Variants in TPM3 observed in about 807,000 individuals in gnomAD.
TPM3 encodes the protein tropomyosin alpha-3 chain.
TPM3 carries 16 observed loss-of-function variants against 43.1 expected under a neutral mutation model. That is an observed-to-expected ratio of 0.37 (90% CI 0.25 to 0.56). The LOEUF (loss-of-function observed/expected upper bound fraction) is 0.56, where lower values mean the gene tolerates loss of function less well. Ranked by LOEUF, TPM3 falls within the 20% of genes least tolerant of loss-of-function variation. The pLI, the probability that TPM3 is intolerant of heterozygous loss-of-function variation, is 0.77. For synonymous variants in TPM3, 101 were observed against 116.9 expected (o/e 0.86, Z 0.88); for missense variants, 176 against 337.2 (o/e 0.52, Z 3.74).
intron 2 of TPM3, chr1:154,182,952 C>A: frequency 6.2e-7 from 1 of 1,609,632 alleles, no homozygotes; most frequent in Non-Finnish European, 8.5e-7. Context: ...TACTCCAGCG[C>A]CTGCCCCTCC....
intron 2 of TPM3, among the ~76,000 whole-genome samples, chr1:154,187,775 C>A (rs529386530): frequency 6.6e-6 from 1 of 151,662 alleles, no homozygotes; most frequent in East Asian, 1.9e-4. Context: ...TCCTCAAGCC[C>A]ACATACTAGC....
downstream of TPM3, among the ~76,000 whole-genome samples, chr1:154,160,460 TATGTGTA>T (rs891036451): frequency 2.1e-4 from 32 of 152,134 alleles, no homozygotes; most frequent in African/African-American, 6.8e-4. Flanking sequence ...AGAAAGCATA[TATGTGTA>T]AAAAGCCTGG....
intron 2 of TPM3, among the ~76,000 whole-genome samples, chr1:154,181,173 G>A (rs2148275788): frequency 6.6e-6 from 1 of 152,034 alleles, no homozygotes; most frequent in East Asian, 1.9e-4. Context: ...ACTGAACAGA[G>A]GAAAAAAATC....
intron 9 of TPM3, among the ~76,000 whole-genome samples, chr1:154,168,289 AT>A (rs1661202635): frequency 6.6e-6 from 1 of 152,152 alleles, no homozygotes; most frequent in Non-Finnish European, 1.5e-5. Flanking sequence ...CAGGGAACCA[AT>A]TAAACACACC....
chr1:154,156,855 A>G, downstream of TPM3: 1 of 194,568 alleles, frequency 5.1e-6, no homozygotes, highest in East Asian at 8.1e-5. Context: ...CTTTCTTTCA[A>G]GGAGGCAGGA....
downstream of TPM3, among the ~76,000 whole-genome samples, chr1:154,157,951 A>T (rs1260470012): frequency 1.3e-5 from 2 of 152,142 alleles, no homozygotes. Context: ...GGCCCTTATC[A>T]GCCATTTCCT....
intron 5 of TPM3, 184 bp downstream of exon 5, chr1:154,172,724 A>G: frequency 1.4e-6 from 1 of 731,974 alleles, no homozygotes; most frequent in Non-Finnish European, 2.4e-6. Flanking sequence ...GTCACTTGTC[A>G]CTAGTCAGGA....
intron 2 of TPM3, among the ~76,000 whole-genome samples, chr1:154,179,741 G>A (rs1662739733): frequency 6.6e-6 from 1 of 152,030 alleles, no homozygotes; most frequent in African/African-American, 2.4e-5. Flanking sequence ...GCGCCACCAT[G>A]CCCAGCTAAT....
downstream of TPM3, chr1:154,158,717 G>C (rs888775948): frequency 1.2e-5 from 6 of 486,648 alleles, no homozygotes; most frequent in Non-Finnish European, 2.3e-5. Context: ...CAAAATTCTC[G>C]CAAGTTTTCT....
intron 3 of TPM3, among the ~76,000 whole-genome samples, chr1:154,173,572 G>A (rs1661853615): frequency 6.6e-6 from 1 of 151,628 alleles, no homozygotes; most frequent in Non-Finnish European, 1.5e-5. Flanking sequence ...GCTCAGGCAG[G>A]AGAATCACTT....
At position 154,163,592 on chromosome 1, in the gene TPM3, A is replaced by G. The variant is rs1660615900; in HGVS notation, c.*4345T>C. Among the ~76,000 whole-genome samples the G allele has an allele frequency of 6.6e-6, 1 of 151,946 alleles. No individual in the cohort carries two copies. The highest frequency in any genetic ancestry group is 6.6e-5 in the Admixed American group (1 of 15,232). On this transcript the variant is annotated 3_prime_UTR_variant, in exon 10 of 10. Coordinates refer to ENST00000651641, the MANE Select transcript of TPM3 (RefSeq NM_152263.4). ...TACTCAACCGTCTTCTTTCCCTCCA[A>G]TCAGTTCCATTTGGTTCCTCCTCTT...
chr1:154,167,239 C>A lies in TPM3; in HGVS notation c.*698G>T, dbSNP rs546668401. On this transcript the variant is annotated 3_prime_UTR_variant, in exon 10 of 10. Coordinates refer to ENST00000651641, the MANE Select transcript of TPM3 (RefSeq NM_152263.4). ...GTTTAAAGAAGAAAAAGTAAAAAAA[C>A]CGTCCAGAATTCTATCCATTGTGTA... 7.4e-6 allele frequency: 7 copies of A among 940,030 alleles called. No homozygotes were observed. In the African/African-American group the frequency reaches 1.1e-4, roughly 14 times the overall value. The allele number at this position is 940,030 out of a possible 1,614,324, so 58.2% of individuals were successfully genotyped here.
At chr1:154,190,480 T>C (rs1663632311) in intron 2 of TPM3, among the ~76,000 whole-genome samples, 1 of 152,164 alleles carries the variant, frequency 6.6e-6, no homozygotes, top group Admixed American at 6.5e-5. Flanking sequence ...AGAGAATTTA[T>C]TTTATTTGAG....
chr1:154,176,162 G>A lies in TPM3; in HGVS notation c.330C>T (p.Ala110=), dbSNP rs1324773090. The part of the protein sequence containing the change: ...LDRAQERLAT[A]LQKLEEAEKA... ...TTTCAGCTTCTTCCAGCTTTTGCAG[G>A]GCAGTGGCCAGGCGCTCCTGAGCAC... Residue 110 remains alanine (A), a synonymous_variant, in exon 3 of 10, where the codon GCC becomes GCT. Transcript: ENST00000651641. The A allele has an allele frequency of 3.1e-6, 5 of 1,614,122 alleles. No homozygotes were observed. The highest frequency in any genetic ancestry group is 4.2e-6 in the Non-Finnish European group (5 of 1,180,036).
In TPM3 at chr1:154,191,896, G is replaced by T. The variant is rs2148295314; in HGVS notation, c.117+6C>A. ...GCAGATGAGAGAGATCAATGCCAGTGCCTACCTGTTTACTTCTTTCTTCTG... is the reference window on the plus strand; with the variant it reads ...GCAGATGAGAGAGATCAATGCCAGTTCCTACCTGTTTACTTCTTTCTTCTG... On this transcript the variant is annotated splice_donor_region_variant and intron_variant, in intron 1 of 9. Coordinates refer to ENST00000651641, the MANE Select transcript of TPM3 (RefSeq NM_152263.4). 1 of 1,612,364 alleles carries T rather than the reference G, an allele frequency of 6.2e-7. No homozygotes were observed. Among genetic ancestry groups the T allele is most frequent in the Non-Finnish European group, 8.5e-7 (1 of 1,179,112 alleles).
In TPM3 at chr1:154,165,940, G is replaced by A. The variant is rs962198882; in HGVS notation, c.*1997C>T. The stretch of plus-strand genomic sequence containing the variant: ...AATTCCCATAACACTATTATTTGTG[G>A]CATTCATCACACAGTATCTGTAGCT... On this transcript the variant is annotated 3_prime_UTR_variant, in exon 10 of 10. Transcript: ENST00000651641. Among the ~76,000 whole-genome samples the A allele has an allele frequency of 6.6e-6, 1 of 152,078 alleles. No individual in the cohort carries two copies. The highest frequency in any genetic ancestry group is 1.5e-5 in the Non-Finnish European group (1 of 68,032).
intron 5 of TPM3, 78 bp from the exon 6 acceptor site, chr1:154,171,566 G>A (rs954037525): frequency 1.3e-5 from 19 of 1,485,862 alleles, no homozygotes; most frequent in Admixed American, 5.1e-5. Context: ...ACACATAGAC[G>A]TGAATTGAAC....
chr1:154,184,120 C>T (rs187262100), intron 2 of TPM3, among the ~76,000 whole-genome samples: 4 of 152,114 alleles, frequency 2.6e-5, no homozygotes, highest in East Asian at 3.9e-4. Context: ...GAACTCGGCT[C>T]ACTGTAAGCT....
At chr1:154,160,521 A>G (rs905413862), downstream of TPM3, among the ~76,000 whole-genome samples, 5 of 152,232 alleles carry the variant, frequency 3.3e-5, no homozygotes, top group Non-Finnish European at 5.9e-5. Context: ...CAGTAGAATC[A>G]GGGTGAACCT....
Sources: allele counts gnomAD v4.1 joint callset (sites outside exome capture counted in the v4.1 genomes callset), GRCh38; gene constraint gnomAD v4.1.1; transcripts MANE v1.5; gene names NCBI Gene and HGNC (gene_info 2026-07-23, HGNC 2026-07-21).